Variants in TAF2 observed in about 807,000 individuals in gnomAD.
The protein encoded by TAF2 is TATA-box binding protein associated factor 2.
A neutral mutation model predicts 138.5 loss-of-function variants in TAF2; 61 were observed. The observed-to-expected ratio is 0.44, with a 90% CI of 0.36 to 0.54. The LOEUF (loss-of-function observed/expected upper bound fraction) is 0.54, where lower values mean the gene tolerates loss of function less well. Ranked by LOEUF, TAF2 falls within the 20% of genes least tolerant of loss-of-function variation. The pLI is 0.00. For synonymous variants in TAF2, 475 were observed against 469.9 expected (o/e 1.01, Z -0.14); for missense variants, 1,090 against 1,427.9 (o/e 0.76, Z 3.81).
At chr8:119,769,310 A>C (rs1047652901) in intron 18 of TAF2, among the ~76,000 whole-genome samples, 8 of 152,168 alleles carry the variant, frequency 5.3e-5, no homozygotes, top group Non-Finnish European at 7.3e-5. Flanking sequence ...GTGGGAGGAG[A>C]GGAAGAGTCC....
intron 2 of TAF2, among the ~76,000 whole-genome samples, chr8:119,827,627 T>C (rs996493676): frequency 1.6e-4 from 24 of 152,168 alleles, no homozygotes; most frequent in Non-Finnish European, 7.4e-5. Flanking sequence ...GATGCTGCCT[T>C]TAATTAGTAG....
intron 2 of TAF2, among the ~76,000 whole-genome samples, chr8:119,820,274 A>G (rs547636914): frequency 1.3e-5 from 2 of 152,332 alleles, no homozygotes; most frequent in South Asian, 4.1e-4. Context: ...CTCAAACATA[A>G]AACAAGGGAC....
chr8:119,816,355 C>T (rs1254133745), intron 3 of TAF2, among the ~76,000 whole-genome samples: 1 of 151,828 alleles, frequency 6.6e-6, no homozygotes, highest in Non-Finnish European at 1.5e-5. Context: ...CCGCACCAGG[C>T]CTGTAAGCAC....
Position 119,793,785 on chromosome 8 carries a change from C to T in TAF2, c.1192-334G>A, listed in dbSNP as rs188793873. ...TGTATTTTGCTTCAAAAAATTTAGG[C>T]GAGTAAAAAGGAATGGGAATAAATT... On this transcript the variant is annotated intron_variant, in intron 9 of 25. Coordinates refer to ENST00000378164, the MANE Select transcript of TAF2 (RefSeq NM_003184.4). 1.3e-4 allele frequency among the ~76,000 whole-genome samples: 19 copies of T among 150,430 alleles called. No homozygotes were observed. The East Asian group carries it at 3.5e-3, about 28-fold the overall frequency.
At chr8:119,827,734 ATTTTT>A (rs58428759) in intron 2 of TAF2, among the ~76,000 whole-genome samples, 126 of 144,058 alleles carry the variant, frequency 8.7e-4, no homozygotes, top group Admixed American at 1.0e-3. Context: ...CATGGAAGGA[ATTTTT>A]TTTTTTTTTT....
At position 119,789,466 on chromosome 8, in the gene TAF2, T is replaced by C. The variant is rs565561785; in HGVS notation, c.1568+126A>G. On this transcript the variant is annotated intron_variant, in intron 12 of 25. Transcript: ENST00000378164. ...TCACAGTTCATCATTATTTCTACCA[T>C]TGTTTAGAAATATAAACAGTTCATA... 1.2e-5 allele frequency: 14 copies of C among 1,140,746 alleles called. No individual in the cohort carries two copies. In the East Asian group the frequency reaches 2.4e-4, roughly 20 times the overall value. The allele number at this position is 1,140,746 out of a possible 1,614,324, so 70.7% of individuals were successfully genotyped here. A position where few individuals can be genotyped will look rare whatever the true frequency, so the allele number is the denominator to read the frequency against.
chr8:119,819,601 C>G lies in TAF2; in HGVS notation c.139-95G>C, dbSNP rs565694902. The G allele has an allele frequency of 2.0e-5, 21 of 1,038,208 alleles. No homozygotes were observed. The African/African-American group carries it at 3.1e-4, about 15-fold the overall frequency. 64.3% of individuals were successfully genotyped at this position (1,038,208 alleles called of 1,614,324 possible). The stretch of plus-strand genomic sequence containing the variant: ...TACCACTTGTACACATATTATACTA[C>G]AGAGACAAAATCCCTAATAGCTACA... On this transcript the variant is annotated intron_variant, in intron 2 of 25. Coordinates refer to ENST00000378164, the MANE Select transcript of TAF2 (RefSeq NM_003184.4).
At position 119,731,643 on chromosome 8, in the gene TAF2, G is replaced by T; in HGVS notation, c.*281C>A. 4.5e-6 allele frequency: 2 copies of T among 445,184 alleles called. No individual in the cohort carries two copies. Among genetic ancestry groups the T allele is most frequent in the Admixed American group, 3.5e-5 (1 of 28,518 alleles). 27.6% of individuals were successfully genotyped at this position (445,184 alleles called of 1,614,324 possible). On this transcript the variant is annotated 3_prime_UTR_variant, in exon 26 of 26. Transcript: ENST00000378164. ...ATGATGCGAACGGGGACTGCCAGTG[G>T]ATATGAGGGCTTTTATGAAAGGGAG...
At chr8:119,779,776 C>T (rs1340010633) in intron 17 of TAF2, among the ~76,000 whole-genome samples, 2 of 152,172 alleles carry the variant, frequency 1.3e-5, no homozygotes, top group African/African-American at 4.8e-5. Flanking sequence ...TATCTTTTCA[C>T]TTGTTTTTAA....
rs765380035 is a variant in TAF2 at position 119,797,048 on chromosome 8, A to C, written c.1033T>G (p.Cys345Gly). 3.7e-5 allele frequency: 59 copies of C among 1,613,272 alleles called. No individual in the cohort carries two copies. The highest frequency in any genetic ancestry group is 4.7e-5 in the Non-Finnish European group (56 of 1,179,558). ...IIDETPLTRR[C>G]LAQSLAQQFF... The stretch of plus-strand genomic sequence containing the variant: ...TGCTGGGCCAAGGATTGGGCTAAAC[A>C]CCTTCTAGTCAAAGGTGTCTCATCT... Residue 345 changes from cysteine (C) to glycine (G), a missense_variant, in exon 8 of 26, where the codon TGT (cysteine) becomes GGT (glycine). Cys to Gly is a radical substitution (Grantham distance 159, BLOSUM62 -3). Coordinates refer to ENST00000378164, the MANE Select transcript of TAF2 (RefSeq NM_003184.4).
At chr8:119,823,470 T>C (rs1190173513) in intron 2 of TAF2, among the ~76,000 whole-genome samples, 3 of 148,864 alleles carry the variant, frequency 2.0e-5, no homozygotes, top group Admixed American at 2.0e-4. Context: ...CGGGAATTTT[T>C]CTGCACAAGC....
chr8:119,772,030 G>A (rs1029850453), intron 18 of TAF2, among the ~76,000 whole-genome samples: 3 of 152,124 alleles, frequency 2.0e-5, no homozygotes, highest in South Asian at 2.1e-4. Flanking sequence ...TCAATATCAA[G>A]AGGAACTCTC....
At chr8:119,819,251 C>T in intron 3 of TAF2, 95 bp downstream of exon 3, 1 of 1,334,946 alleles carries the variant, frequency 7.5e-7, no homozygotes. Flanking sequence ...CATTAACGAT[C>T]CAAAAAAAAA....
At chr8:119,745,503 T>G (rs1260904002) in intron 23 of TAF2, among the ~76,000 whole-genome samples, 8 of 152,048 alleles carry the variant, frequency 5.3e-5, no homozygotes, top group Admixed American at 5.2e-4. Context: ...AAAATTTAGG[T>G]GAATAAGCAA....
intron 25 of TAF2, among the ~76,000 whole-genome samples, chr8:119,742,244 G>A (rs1819644151): frequency 6.6e-6 from 1 of 151,992 alleles, no homozygotes; most frequent in African/African-American, 2.4e-5. Context: ...TAATTAAATG[G>A]CATTATCTTT....
At position 119,832,691 on chromosome 8, in the gene TAF2, C is replaced by A. The variant is rs1826544357; in HGVS notation, c.-127G>T. On this transcript the variant is annotated 5_prime_UTR_variant, in exon 1 of 26. Transcript: ENST00000378164. ...TCACGTCTCGCAGCTGGCCGGTGCCCAGGTGAGCGACCTGACGGGTCGCTG... is the reference window on the plus strand; with the variant it reads ...TCACGTCTCGCAGCTGGCCGGTGCCAAGGTGAGCGACCTGACGGGTCGCTG... The A allele has an allele frequency of 1.4e-5, 12 of 850,452 alleles. No homozygotes were observed. The South Asian group carries it at 2.0e-4, about 15-fold the overall frequency. 52.7% of individuals were successfully genotyped at this position (850,452 alleles called of 1,614,324 possible).
chr8:119,761,337 A>T (rs1821047967), intron 19 of TAF2, among the ~76,000 whole-genome samples: 1 of 152,234 alleles, frequency 6.6e-6, no homozygotes, highest in Admixed American at 6.5e-5. Flanking sequence ...GGTATACAGC[A>T]GGCTACACCA....
intron 16 of TAF2, among the ~76,000 whole-genome samples, chr8:119,782,006 A>G (rs1267805944): frequency 6.6e-6 from 1 of 152,186 alleles, no homozygotes; most frequent in Non-Finnish European, 1.5e-5. Context: ...TCTTACATGT[A>G]TTTATAATTA....
chr8:119,756,046 A>C lies in TAF2; in HGVS notation c.2838T>G (p.Asn946Lys). The change falls in exon 22 of 26, where the codon AAT becomes AAG. Residue 946 changes from asparagine (N) to lysine (K), a missense_variant. Transcript: ENST00000378164. The part of the protein sequence containing the change: ...FTKNMESPLC[N>K]EALVDQLWKL... ...TCCAAAGTTGATCTACCAGGGCTTC[A>C]TTGCATAAGGGAGACTCCATGTTCT... 6.2e-7 allele frequency: 1 copy of C among 1,613,714 alleles called. No homozygotes were observed. Among genetic ancestry groups the C allele is most frequent in the Non-Finnish European group, 8.5e-7 (1 of 1,179,814 alleles).
Sources: allele counts gnomAD v4.1 joint callset (sites outside exome capture counted in the v4.1 genomes callset), GRCh38; gene constraint gnomAD v4.1.1; transcripts MANE v1.5; gene names NCBI Gene and HGNC (gene_info 2026-07-23, HGNC 2026-07-21).